The following TMEM272 variants were observed in gnomAD, a reference collection of about 807,000 sequenced individuals.
TMEM272 encodes transmembrane protein 272.
A neutral mutation model predicts 3.7 loss-of-function variants in TMEM272; 8 were observed. The ratio of observed to expected loss-of-function variants is 2.17; its 90% confidence interval spans 1.27 to 3.91. The LOEUF (loss-of-function observed/expected upper bound fraction) is 3.91. Among genes scored for constraint, TMEM272 ranks in the 30% most tolerant of loss-of-function variants. The pLI is 0.00. For synonymous variants in TMEM272, 63 were observed against 39.8 expected, an observed-to-expected ratio of 1.58 and a Z score of -2.20; for missense variants, 166 against 91.5, an observed-to-expected ratio of 1.81 and a Z score of -3.32.
the TMEM272 span, among the ~76,000 whole-genome samples, chr13:51,858,734 G>T: frequency 6.6e-6 from 1 of 152,144 alleles, no homozygotes; most frequent in Admixed American, 6.5e-5. Context: ...AATTTATTGG[G>T]TGTAAAAGGA....
intron 2 of TMEM272, among the ~76,000 whole-genome samples, chr13:51,832,194 T>C (rs1956178665): frequency 6.6e-6 from 1 of 152,194 alleles, no homozygotes; most frequent in African/African-American, 2.4e-5. Context: ...TGATTGCTGC[T>C]GCCCGTGATT....
chr13:51,878,157 A>G, the TMEM272 span, among the ~76,000 whole-genome samples: 1 of 152,176 alleles, frequency 6.6e-6, no homozygotes, highest in Admixed American at 6.5e-5. Flanking sequence ...TCAGCTGGGC[A>G]CGGTGGCTCA....
the TMEM272 span, chr13:51,865,445 C>G: frequency 1.9e-6 from 3 of 1,614,004 alleles, no homozygotes; most frequent in Admixed American, 1.7e-5. Context: ...ATGGATGGGG[C>G]TTGCCTGCTT....
In TMEM272 at chr13:51,816,306, TA is replaced by T. The variant is rs1337559032; in HGVS notation, c.*444del. 3 of 160,946 alleles carry T rather than the reference TA, an allele frequency of 1.9e-5. No individual in the cohort carries two copies. Among genetic ancestry groups the T allele is most frequent in the Non-Finnish European group, 4.1e-5 (3 of 72,600 alleles). The allele number at this position is 160,946 out of a possible 1,614,324, so 10.0% of individuals were successfully genotyped here. ...CATCATAGCGAGTGAAGTTAAGATA[TA>T]TCTTGTGTGAAAGTCTGTGCACTTT... On this transcript the variant is annotated 3_prime_UTR_variant, in exon 5 of 5. Transcript: ENST00000629372.
At chr13:51,933,387 T>C in the TMEM272 span, 12 of 152,146 alleles carry the variant, frequency 7.9e-5, no homozygotes, top group Non-Finnish European at 1.8e-4. Flanking sequence ...CTATCAAAAG[T>C]GCTGCTAAAA....
chr13:51,865,559 A>G, the TMEM272 span: 6 of 1,614,116 alleles, frequency 3.7e-6, no homozygotes, highest in African/African-American at 6.7e-5. Context: ...TTTTCGTGAA[A>G]AAATAGAGGA....
the TMEM272 span, among the ~76,000 whole-genome samples, chr13:51,876,585 G>A: frequency 6.6e-6 from 1 of 152,248 alleles, no homozygotes; most frequent in South Asian, 2.1e-4. Context: ...TTATTATTAT[G>A]TGGTCTTATA....
the TMEM272 span, among the ~76,000 whole-genome samples, chr13:51,863,515 C>T: frequency 7.9e-5 from 12 of 151,980 alleles, no homozygotes; most frequent in Admixed American, 4.6e-4. Flanking sequence ...ATCTGGATCT[C>T]GGCTAGGAGG....
At chr13:51,910,073 G>C in the TMEM272 span, 2 of 1,196,460 alleles carry the variant, frequency 1.7e-6, no homozygotes, top group South Asian at 2.4e-5. Context: ...GTAGTGATTT[G>C]AGGGATTTTG....
the TMEM272 span, among the ~76,000 whole-genome samples, chr13:51,916,135 C>T: frequency 1.3e-5 from 2 of 152,160 alleles, no homozygotes; most frequent in Non-Finnish European, 2.9e-5. Flanking sequence ...GGAGGGGACA[C>T]CGGCATGAAG....
chr13:51,926,272 A>T, the TMEM272 span, among the ~76,000 whole-genome samples: 1 of 151,980 alleles, frequency 6.6e-6, no homozygotes, highest in Non-Finnish European at 1.5e-5. Flanking sequence ...GGACCTGGAG[A>T]TGGGAGCCCC....
At chr13:51,823,083 A>T (rs1956093556) in intron 3 of TMEM272, among the ~76,000 whole-genome samples, 1 of 151,836 alleles carries the variant, frequency 6.6e-6, no homozygotes, top group Non-Finnish European at 1.5e-5. Context: ...CAAAGCATTT[A>T]TTTTTTTTGA....
the TMEM272 span, among the ~76,000 whole-genome samples, chr13:51,863,464 G>T: frequency 2.6e-5 from 4 of 152,140 alleles, no homozygotes; most frequent in Admixed American, 6.5e-5. Context: ...GGCTGTCATG[G>T]GGGAGATGGA....
At chr13:51,847,449 C>G (rs989087828), upstream of TMEM272, among the ~76,000 whole-genome samples, 1 of 152,178 alleles carries the variant, frequency 6.6e-6, no homozygotes, top group African/African-American at 2.4e-5. Context: ...TTCCCCATCC[C>G]CACCCTCATG....
the TMEM272 span, among the ~76,000 whole-genome samples, chr13:51,885,158 T>G: frequency 6.6e-6 from 1 of 152,248 alleles, no homozygotes; most frequent in Admixed American, 6.5e-5. Flanking sequence ...TGAACACTTT[T>G]GTCTCTCTTG....
At chr13:51,821,597 T>C (rs1055256406) in intron 4 of TMEM272, among the ~76,000 whole-genome samples, 3 of 141,484 alleles carry the variant, frequency 2.1e-5, no homozygotes, top group African/African-American at 5.4e-5. Context: ...AAAGCAGAAA[T>C]AGGAACTGCT....
the TMEM272 span, chr13:51,910,568 C>G: frequency 1.5e-6 from 1 of 681,616 alleles, no homozygotes. Flanking sequence ...CCCTGGGTAG[C>G]AACTGCAGGA....
the TMEM272 span, among the ~76,000 whole-genome samples, chr13:51,930,041 C>T: frequency 2.9e-3 from 435 of 152,290 alleles, 2 homozygotes; most frequent in Non-Finnish European, 4.5e-3. Flanking sequence ...CTCCATGTCC[C>T]GATGTGGTTC....
chr13:51,878,952 T>C, the TMEM272 span, among the ~76,000 whole-genome samples: 2 of 152,222 alleles, frequency 1.3e-5, no homozygotes, highest in African/African-American at 4.8e-5. Flanking sequence ...TTGATTTGTA[T>C]TTACACAGAG....
Sources: gnomAD v4.1 joint callset for allele counts (sites outside exome capture counted in the v4.1 genomes callset) on GRCh38, gnomAD v4.1.1 for gene constraint, MANE v1.5 for transcripts, NCBI Gene and HGNC (gene_info 2026-07-23, HGNC 2026-07-21) for gene names.